PABPC1L: variants seen among roughly 807,000 people sequenced by gnomAD.
PABPC1L encodes polyadenylate-binding protein 1-like.
Under a neutral mutation model 66.6 loss-of-function variants are expected in PABPC1L, and 31 were observed. The observed-to-expected ratio is 0.47, with a 90% CI of 0.35 to 0.63. The LOEUF (loss-of-function observed/expected upper bound fraction) is 0.63, where lower values mean the gene tolerates loss of function less well. PABPC1L is among the 20% of genes least tolerant of loss of function. PABPC1L has a pLI of 0.00. For missense variants in PABPC1L, 722 were observed against 848.8 expected (o/e 0.85, Z 1.86); for synonymous variants, 348 against 335.1 (o/e 1.04, Z -0.42).
chr20:44,925,955 C>T (rs73296544), intron 7 of PABPC1L, among the ~76,000 whole-genome samples: 1,825 of 152,220 alleles, frequency 0.012, 31 homozygotes, highest in African/African-American at 0.039. Flanking sequence ...TGTTTACTCA[C>T]CTATAAAGTG....
intron 3 of PABPC1L, 71 bp downstream of exon 3, chr20:44,916,942 G>A: frequency 7.0e-6 from 10 of 1,438,272 alleles, no homozygotes; most frequent in South Asian, 1.2e-5. Context: ...ACTAGGAATC[G>A]ATGCTACCCT....
At chr20:44,928,881 A>AG in intron 7 of PABPC1L, among the ~76,000 whole-genome samples, 1 of 147,986 alleles carries the variant, frequency 6.8e-6, no homozygotes, top group African/African-American at 2.6e-5. Flanking sequence ...AAAAAAAAAA[A>AG]AAAAGAAAAA....
chr20:44,937,952 G>A, intron 12 of PABPC1L, 109 bp from the exon 13 acceptor site: 1 of 1,466,118 alleles, frequency 6.8e-7, no homozygotes, highest in Non-Finnish European at 9.3e-7. Flanking sequence ...AGAAGGAGCA[G>A]TTCTGGGAGA....
In PABPC1L at chr20:44,936,092, C is replaced by T. The variant is rs933558888; in HGVS notation, c.1567-545C>T. Among the ~76,000 whole-genome samples, 50 of 152,140 alleles carry T rather than the reference C, an allele frequency of 3.3e-4. 1 individual carries two copies. The highest frequency in any genetic ancestry group is 1.2e-3 in the African/African-American group (50 of 41,500). The stretch of plus-strand genomic sequence containing the variant: ...GGCTCAAGTGATCCTCCCACCTCAG[C>T]CTCCAAGTACAGGCATGTGACACCA... On this transcript the variant is annotated intron_variant, in intron 11 of 14. Coordinates refer to ENST00000217073, the MANE Select transcript of PABPC1L (RefSeq NM_001372179.1).
chr20:44,938,267 C>G, intron 13 of PABPC1L, 76 bp downstream of exon 13: 2 of 1,534,822 alleles, frequency 1.3e-6, no homozygotes, highest in Non-Finnish European at 1.8e-6. Context: ...CCTAGTGGAG[C>G]CAGTGGATAG....
intron 5 of PABPC1L, among the ~76,000 whole-genome samples, chr20:44,919,700 C>T (rs1222168273): frequency 6.6e-6 from 1 of 152,096 alleles, no homozygotes; most frequent in Non-Finnish European, 1.5e-5. Context: ...TTTTTAAAAA[C>T]TCTCCAGATG....
chr20:44,917,620 G>A (rs2066746272), intron 3 of PABPC1L, among the ~76,000 whole-genome samples: 1 of 152,104 alleles, frequency 6.6e-6, no homozygotes, highest in Non-Finnish European at 1.5e-5. Context: ...ACACAGATGG[G>A]AAAACTGAGA....
At chr20:44,925,222 A>G (rs995289793) in intron 7 of PABPC1L, among the ~76,000 whole-genome samples, 2 of 151,656 alleles carry the variant, frequency 1.3e-5, no homozygotes, top group Non-Finnish European at 2.9e-5. Flanking sequence ...AAAAAAAAAA[A>G]AAAAAAAAGC....
intron 5 of PABPC1L, among the ~76,000 whole-genome samples, chr20:44,921,363 G>T (rs2066771826): frequency 6.6e-6 from 1 of 152,064 alleles, no homozygotes; most frequent in Admixed American, 6.6e-5. Flanking sequence ...GGTCAGGCTG[G>T]TCTCGAATTC....
At chr20:44,935,535 C>G (rs1048304619) in intron 11 of PABPC1L, 38 bp downstream of exon 11, 1 of 1,554,732 alleles carries the variant, frequency 6.4e-7, no homozygotes, top group Admixed American at 1.7e-5. Context: ...AGCCTGGGCT[C>G]CTGGCCGCCT....
intron 5 of PABPC1L, among the ~76,000 whole-genome samples, chr20:44,921,334 G>A (rs2066771657): frequency 6.6e-6 from 1 of 152,086 alleles, no homozygotes; most frequent in Non-Finnish European, 1.5e-5. Context: ...TTTTAGTAGA[G>A]ACGGGGTTTC....
At chr20:44,934,570 A>G (rs1472241810) in intron 10 of PABPC1L, among the ~76,000 whole-genome samples, 1 of 152,236 alleles carries the variant, frequency 6.6e-6, no homozygotes, top group East Asian at 1.9e-4. Flanking sequence ...TCATGTAAGT[A>G]GAATCATAGA....
chr20:44,930,684 C>T lies in PABPC1L; in HGVS notation c.1197C>T (p.Ser399=), dbSNP rs1017571267. Residue 399 remains serine, a synonymous_variant, in exon 8 of 15, where the codon TCC becomes TCT. Transcript: ENST00000217073. ...MRTLSNPLLG[S]FQQPSSYFLP... The stretch of plus-strand genomic sequence containing the variant: ...CCCTGAGCAACCCCCTCCTGGGCTC[C>T]TTTCAGCAGCCCTCCAGCTACTTCC... 12 of 1,613,996 alleles carry T rather than the reference C, an allele frequency of 7.4e-6. No homozygotes were observed. The highest frequency in any genetic ancestry group is 1.3e-5 in the African/African-American group (1 of 74,936).
chr20:44,930,721 C>T lies in PABPC1L; in HGVS notation c.1234C>T (p.Pro412Ser), dbSNP rs773354471. The T allele has an allele frequency of 1.3e-5, 21 of 1,612,516 alleles. No individual in the cohort carries two copies. The South Asian group carries it at 1.9e-4, about 14-fold the overall frequency. ...CTCCAGCTACTTCCTGCCTGCCATG[C>T]CCCAGGTGACGGCCTGCCCGCAACT... ...QPSSYFLPAM[P>S]QPPAQAAYYG... The change falls in exon 8 of 15, where the codon CCC (proline) becomes TCC (serine). Residue 412 changes from proline (P) to serine (S), a missense_variant. Physicochemically the swap from Pro to Ser is moderately conservative, Grantham distance 74 (BLOSUM62 -1). Transcript: ENST00000217073.
Position 44,912,851 on chromosome 20 carries a change from A to G in PABPC1L, c.385A>G (p.Lys129Glu). Residue 129 changes from lysine (K) to glutamate (E), a missense_variant and splice_region_variant, in exon 2 of 15, where the codon AAG becomes GAG. Coordinates refer to ENST00000217073, the MANE Select transcript of PABPC1L (RefSeq NM_001372179.1). ...CACCTTTGGGAACATCCTCTCTTGC[A>G]AGGTAGAGGATGAAGGGTGTACGTC... ...FSTFGNILSC[K>E]VACDEHGSRG... The G allele has an allele frequency of 6.2e-7, 1 of 1,613,332 alleles. No individual in the cohort carries two copies. The highest frequency in any genetic ancestry group is 8.5e-7 in the Non-Finnish European group (1 of 1,179,394).
rs771347250 is a variant in PABPC1L at position 44,938,058 on chromosome 20, C to T, written c.1661-3C>T. 6.2e-7 allele frequency: 1 copy of T among 1,614,140 alleles called. No individual in the cohort carries two copies. Among genetic ancestry groups the T allele is most frequent in the Non-Finnish European group, 8.5e-7 (1 of 1,180,018 alleles). ...ACAAGCCATTAGAAGGTGTTCCACA[C>T]AGGGGAGCGTCTCTACCCCCTTATC... On this transcript the variant is annotated splice_polypyrimidine_tract_variant and splice_region_variant and intron_variant, in intron 12 of 14. Transcript: ENST00000217073.
Position 44,915,818 on chromosome 20 carries a change from A to T in PABPC1L, c.388-938A>T, listed in dbSNP as rs868585695. The stretch of plus-strand genomic sequence containing the variant: ...CTATCTCAAAAAAAAAAAAAAAAAA[A>T]ATTGAAATGAGTCTGTTGTTGCAGT... On this transcript the variant is annotated intron_variant, in intron 2 of 14. Transcript: ENST00000217073. Among the ~76,000 whole-genome samples the T allele has an allele frequency of 4.8e-3, 676 of 141,710 alleles. 4 individuals are homozygous for T. Among genetic ancestry groups the T allele is most frequent in the African/African-American group, 0.016 (603 of 37,600 alleles). 93.0% of individuals were successfully genotyped at this position (141,710 alleles called of 152,430 possible).
chr20:44,925,634 T>C (rs2066804442), intron 7 of PABPC1L, among the ~76,000 whole-genome samples: 1 of 152,210 alleles, frequency 6.6e-6, no homozygotes, highest in Non-Finnish European at 1.5e-5. Context: ...AGTTCTCTTT[T>C]GGCTACTGAG....
intron 3 of PABPC1L, among the ~76,000 whole-genome samples, chr20:44,917,361 ATTT>A (rs11483820): frequency 2.3e-5 from 3 of 130,638 alleles, no homozygotes. Flanking sequence ...TAATTTTTTG[ATTT>A]TTTTTTTTTT....
Sources: allele counts gnomAD v4.1 joint callset (sites outside exome capture counted in the v4.1 genomes callset), GRCh38; gene constraint gnomAD v4.1.1; transcripts MANE v1.5; gene names NCBI Gene and HGNC (gene_info 2026-07-23, HGNC 2026-07-21).